The following DACH2 variants were observed in gnomAD, a reference collection of about 807,000 sequenced individuals.
DACH2 encodes the protein dachshund homolog 2.
DACH2 carries 17 observed loss-of-function variants against 35.8 expected under a neutral mutation model. The ratio of observed to expected loss-of-function variants is 0.48; its 90% CI spans 0.33 to 0.71. DACH2 has a LOEUF of 0.71. Ranked by LOEUF, DACH2 falls within the 30% of genes least tolerant of loss-of-function variation. DACH2 has a pLI of 0.02. For synonymous variants in DACH2, 195 were observed against 177.3 expected (o/e 1.10, Z -0.79); for missense variants, 469 against 472.7 (o/e 0.99, Z 0.07).
intron 2 of DACH2, among the ~76,000 whole-genome samples, chrX:86,396,340 C>T (rs1303232860): frequency 3.1e-5 from 3 of 95,374 alleles, no homozygotes; most frequent in Non-Finnish European, 6.3e-5. Context: ...TTGTAGGTTG[C>T]CTGTTCACTC....
intron 1 of DACH2, among the ~76,000 whole-genome samples, chrX:86,175,683 A>G (rs768765245): frequency 1.8e-5 from 2 of 111,708 alleles, no homozygotes; most frequent in East Asian, 2.8e-4. Flanking sequence ...GATCCGATGT[A>G]CAAGTAGAAG....
intron 2 of DACH2, chrX:86,481,110 C>T (rs979609333): frequency 8.9e-6 from 1 of 111,877 alleles, no homozygotes; most frequent in African/African-American, 3.2e-5. Flanking sequence ...CATGCACATT[C>T]GTGGAAGTCT....
chrX:86,488,133 T>C (rs761139263), intron 2 of DACH2, among the ~76,000 whole-genome samples: 2 of 111,781 alleles, frequency 1.8e-5, no homozygotes, highest in Non-Finnish European at 3.8e-5. Flanking sequence ...CAAATTCAGC[T>C]CAGATAATTT....
intron 7 of DACH2, among the ~76,000 whole-genome samples, chrX:86,766,791 A>G (rs965075413): frequency 9.0e-6 from 1 of 111,373 alleles, no homozygotes; most frequent in African/African-American, 3.3e-5. Context: ...TACTAATTTC[A>G]AACTTCCCTA....
intron 1 of DACH2, among the ~76,000 whole-genome samples, chrX:86,349,158 G>C (rs2035546850): frequency 8.9e-6 from 1 of 111,852 alleles, no homozygotes; most frequent in African/African-American, 3.3e-5. Context: ...TTTTTATTGA[G>C]TGGTAGTTCT....
chrX:86,604,607 C>A (rs2039834026), intron 3 of DACH2, among the ~76,000 whole-genome samples: 1 of 111,549 alleles, frequency 9.0e-6, no homozygotes, highest in African/African-American at 3.3e-5. Context: ...TCCCATCTCC[C>A]AATGATTTAA....
At chrX:86,686,722 T>C (rs959391485) in intron 4 of DACH2, among the ~76,000 whole-genome samples, 70 of 111,919 alleles carry the variant, frequency 6.3e-4, no homozygotes, top group Non-Finnish European at 1.0e-3. Context: ...AACCAGAGTG[T>C]ATTTTAAGTT....
intron 1 of DACH2, among the ~76,000 whole-genome samples, chrX:86,219,470 C>A (rs1208398970): frequency 2.7e-5 from 3 of 111,374 alleles, no homozygotes; most frequent in African/African-American, 9.8e-5. Flanking sequence ...CCACCCTCCA[C>A]CCTCAAGTAG....
chrX:86,152,991 T>C (rs1305552378), intron 1 of DACH2, among the ~76,000 whole-genome samples: 1 of 111,715 alleles, frequency 9.0e-6, no homozygotes, highest in African/African-American at 3.2e-5. Context: ...AAATTAAAAA[T>C]TGTTTTTCCT....
intron 2 of DACH2, among the ~76,000 whole-genome samples, chrX:86,441,081 G>A (rs1434769571): frequency 9.0e-6 from 1 of 111,005 alleles, no homozygotes; most frequent in African/African-American, 3.3e-5. Flanking sequence ...TGAGTAAATG[G>A]TAGGTGTATA....
At chrX:86,308,099 A>C (rs1312538681) in intron 1 of DACH2, among the ~76,000 whole-genome samples, 1 of 112,403 alleles carries the variant, frequency 8.9e-6, no homozygotes, top group Non-Finnish European at 1.9e-5. Flanking sequence ...TTGGGATCGT[A>C]GATTGTATTC....
chrX:86,200,242 C>T (rs1431601390), intron 1 of DACH2, among the ~76,000 whole-genome samples: 1 of 110,676 alleles, frequency 9.0e-6, no homozygotes, highest in Non-Finnish European at 1.9e-5. Context: ...GGCTAGAAGA[C>T]TGAAGCTAGA....
intron 1 of DACH2, among the ~76,000 whole-genome samples, chrX:86,181,345 C>T (rs1205729138): frequency 9.0e-6 from 1 of 110,731 alleles, no homozygotes; most frequent in Non-Finnish European, 1.9e-5. Context: ...AGCCTCCCAA[C>T]CCCCGACAGG....
chrX:86,553,173 C>T (rs2039073637), intron 3 of DACH2, among the ~76,000 whole-genome samples: 1 of 111,432 alleles, frequency 9.0e-6, no homozygotes, highest in African/African-American at 3.3e-5. Context: ...ACGGTGCAGC[C>T]TTCAGTCTGT....
At chrX:86,469,914 A>G (rs2037735494) in intron 2 of DACH2, among the ~76,000 whole-genome samples, 1 of 110,221 alleles carries the variant, frequency 9.1e-6, no homozygotes, top group Non-Finnish European at 1.9e-5. Context: ...GCTAATCAAC[A>G]GCAAATATTT....
chrX:86,504,477 C>CTTATTTATTTAT (rs200198428), intron 2 of DACH2, among the ~76,000 whole-genome samples: 3 of 101,706 alleles, frequency 2.9e-5, no homozygotes, highest in Non-Finnish European at 6.0e-5. Flanking sequence ...AAAAATAGAT[C>CTTATTTATTTAT]TTATTTATTT....
At chrX:86,507,700 C>A (rs2038344504) in intron 2 of DACH2, among the ~76,000 whole-genome samples, 1 of 111,566 alleles carries the variant, frequency 9.0e-6, no homozygotes, top group Admixed American at 9.6e-5. Context: ...AGCAGGTTAC[C>A]AGACTAAATC....
At chrX:86,153,677 T>C (rs2030446201) in intron 1 of DACH2, among the ~76,000 whole-genome samples, 1 of 111,763 alleles carries the variant, frequency 8.9e-6, no homozygotes, top group Non-Finnish European at 1.9e-5. Flanking sequence ...TCATATTGTC[T>C]GTTAAAAGCA....
At chrX:86,431,340 T>C (rs2036981882) in intron 2 of DACH2, among the ~76,000 whole-genome samples, 1 of 111,991 alleles carries the variant, frequency 8.9e-6, no homozygotes. Flanking sequence ...CTTGAGATAA[T>C]TTTTTAAAGA....
Sources: gnomAD v4.1 joint callset for allele counts (sites outside exome capture counted in the v4.1 genomes callset) on GRCh38, gnomAD v4.1.1 for gene constraint, MANE v1.5 for transcripts, NCBI Gene and HGNC (gene_info 2026-07-23, HGNC 2026-07-21) for gene names.